RAB33B: variants seen among roughly 807,000 people sequenced by gnomAD.
RAB33B encodes the protein RAB33B, member RAS oncogene family, also known as ras-related protein Rab-33B.
A neutral mutation model predicts 15.0 loss-of-function variants in RAB33B; 6 were observed. The ratio of observed to expected loss-of-function variants is 0.40; its 90% confidence interval spans 0.22 to 0.79. The LOEUF (loss-of-function observed/expected upper bound fraction) is 0.79. Among genes scored for constraint, RAB33B ranks in the 30% least tolerant of loss-of-function variants. The pLI is 0.37. For missense variants in RAB33B, 257 were observed against 296.4 expected, an observed-to-expected ratio of 0.87 and a Z score of 0.98; for synonymous variants, 117 against 108.3, an observed-to-expected ratio of 1.08 and a Z score of -0.50.
In RAB33B at chr4:139,454,174, C is replaced by T. The variant is rs1399805030; in HGVS notation, c.-22C>T. 1 of 1,595,152 alleles carries T rather than the reference C, an allele frequency of 6.3e-7. No individual in the cohort carries two copies. The highest frequency in any genetic ancestry group is 8.6e-7 in the Non-Finnish European group (1 of 1,169,412). ...TTTCTGTGTCTCCTTTCCTCCGCCT[C>T]AGTTTGGGGCGGGTCGGGGGAATGG... On this transcript the variant is annotated 5_prime_UTR_variant, in exon 1 of 2. Coordinates refer to ENST00000305626, the MANE Select transcript of RAB33B (RefSeq NM_031296.3).
At chr4:139,464,389 T>TTG (rs1750236421) in intron 1 of RAB33B, among the ~76,000 whole-genome samples, 1 of 78,582 alleles carries the variant, frequency 1.3e-5, no homozygotes, top group Non-Finnish European at 2.7e-5. Context: ...GAATACTGTT[T>TTG]TTTTTTTTTT....
At chr4:139,464,399 T>G (rs1193884445) in intron 1 of RAB33B, among the ~76,000 whole-genome samples, 6 of 149,452 alleles carry the variant, frequency 4.0e-5, no homozygotes, top group South Asian at 2.1e-4. Context: ...TTTTTTTTTT[T>G]TTTTTTTTTT....
chr4:139,463,290 C>T (rs1238172718), intron 1 of RAB33B, among the ~76,000 whole-genome samples: 1 of 152,220 alleles, frequency 6.6e-6, no homozygotes, highest in Non-Finnish European at 1.5e-5. Context: ...TGTGCCACCA[C>T]ACCTGGCTAA....
chr4:139,457,886 T>C (rs1750099653), intron 1 of RAB33B, among the ~76,000 whole-genome samples: 1 of 152,224 alleles, frequency 6.6e-6, no homozygotes, highest in Non-Finnish European at 1.5e-5. Flanking sequence ...CTCTTTGCTC[T>C]GAGTCCAATT....
chr4:139,466,966 T>TTG (rs1350247689), intron 1 of RAB33B, among the ~76,000 whole-genome samples: 5 of 139,018 alleles, frequency 3.6e-5, no homozygotes, highest in Admixed American at 3.6e-4. Context: ...ACAAACTTTT[T>TTG]TTTTTTTTTT....
At chr4:139,439,622 T>C in the RAB33B span, among the ~76,000 whole-genome samples, 21 of 152,164 alleles carry the variant, frequency 1.4e-4, no homozygotes, top group Admixed American at 1.3e-3. Flanking sequence ...CACCAGCCTT[T>C]TCTCTCTCTT....
the RAB33B span, among the ~76,000 whole-genome samples, chr4:139,439,329 AT>A: frequency 2.6e-5 from 4 of 151,902 alleles, no homozygotes; most frequent in Non-Finnish European, 4.4e-5. Flanking sequence ...GATAGACTAA[AT>A]TTTTTCTTTT....
chr4:139,472,127 C>T (rs903852126), intron 1 of RAB33B, among the ~76,000 whole-genome samples: 1 of 152,162 alleles, frequency 6.6e-6, no homozygotes, highest in Non-Finnish European at 1.5e-5. Flanking sequence ...GTTTTGACAT[C>T]TATAGTTTTA....
At chr4:139,461,202 G>A (rs35097785) in intron 1 of RAB33B, among the ~76,000 whole-genome samples, 31,359 of 152,100 alleles carry the variant, frequency 0.21, 3,553 homozygotes, top group Non-Finnish European at 0.26. Context: ...GTGGGGGTGC[G>A]AACCTCTGAT....
At chr4:139,470,948 T>C (rs947229271) in intron 1 of RAB33B, among the ~76,000 whole-genome samples, 2 of 152,024 alleles carry the variant, frequency 1.3e-5, no homozygotes, top group African/African-American at 4.8e-5. Flanking sequence ...TCCTCTCCTC[T>C]CCTCTCCTCA....
intron 1 of RAB33B, among the ~76,000 whole-genome samples, chr4:139,456,241 G>A (rs566570832): frequency 1.3e-5 from 2 of 152,202 alleles, no homozygotes; most frequent in East Asian, 3.9e-4. Flanking sequence ...AGATAGTGGA[G>A]GGCATAGGTA....
chr4:139,455,951 C>T lies in RAB33B; in HGVS notation c.249+1507C>T, dbSNP rs147420313. 3.9e-5 allele frequency among the ~76,000 whole-genome samples: 6 copies of T among 152,294 alleles called. No homozygotes were observed. In the East Asian group the frequency reaches 1.2e-3, roughly 29 times the overall value. On this transcript the variant is annotated intron_variant, in intron 1 of 1. Coordinates refer to ENST00000305626, the MANE Select transcript of RAB33B (RefSeq NM_031296.3). ...CTGTCCAGGTTTTAAAACTGGGTCT[C>T]ACATCCCGGGGACCCCCTGTATTGG...
the RAB33B span, among the ~76,000 whole-genome samples, chr4:139,444,941 C>T: frequency 8.1e-4 from 123 of 152,274 alleles, 2 homozygotes; most frequent in South Asian, 0.019. Flanking sequence ...GGAGGGGTTG[C>T]GGAAATTAGT....
At position 139,457,747 on chromosome 4, in the gene RAB33B, G is replaced by C. The variant is rs187214669; in HGVS notation, c.249+3303G>C. ...CTGTTTTTACATGGCCACAATCTAAGAATGATTTTTTACATTTTTTAATGT... is the reference window on the plus strand; with the variant it reads ...CTGTTTTTACATGGCCACAATCTAACAATGATTTTTTACATTTTTTAATGT... On this transcript the variant is annotated intron_variant, in intron 1 of 1. Coordinates refer to ENST00000305626, the MANE Select transcript of RAB33B (RefSeq NM_031296.3). 3.0e-3 allele frequency among the ~76,000 whole-genome samples: 450 copies of C among 152,250 alleles called. 1 individual carries two copies. The highest frequency in any genetic ancestry group is 9.7e-3 in the African/African-American group (404 of 41,546).
At chr4:139,445,250 GC>G in the RAB33B span, among the ~76,000 whole-genome samples, 62 of 152,330 alleles carry the variant, frequency 4.1e-4, no homozygotes, top group Non-Finnish European at 7.3e-4. Context: ...GGCAAGGCCA[GC>G]AATATACCTT....
the RAB33B span, among the ~76,000 whole-genome samples, chr4:139,443,583 G>C: frequency 3.3e-5 from 5 of 152,178 alleles, no homozygotes; most frequent in African/African-American, 4.8e-5. Flanking sequence ...TGGAAAAACA[G>C]ACACAAGCTC....
At chr4:139,466,868 C>T (rs1186486612) in intron 1 of RAB33B, among the ~76,000 whole-genome samples, 1 of 151,952 alleles carries the variant, frequency 6.6e-6, no homozygotes, top group Non-Finnish European at 1.5e-5. Context: ...GCGTGAGCCA[C>T]CATGCCTGGC....
intron 1 of RAB33B, among the ~76,000 whole-genome samples, chr4:139,468,943 A>G (rs1485986018): frequency 6.6e-6 from 1 of 152,068 alleles, no homozygotes; most frequent in Non-Finnish European, 1.5e-5. Flanking sequence ...TTGGAGCTCC[A>G]TTGTATGTTA....
intron 1 of RAB33B, among the ~76,000 whole-genome samples, chr4:139,464,412 T>TA (rs1750240768): frequency 1.0e-4 from 14 of 137,706 alleles, no homozygotes; most frequent in African/African-American, 3.6e-4. Context: ...TTTTTTTTTT[T>TA]ATACTTTAAG....
Sources: allele counts gnomAD v4.1 joint callset (sites outside exome capture counted in the v4.1 genomes callset), GRCh38; gene constraint gnomAD v4.1.1; transcripts MANE v1.5; gene names NCBI Gene and HGNC (gene_info 2026-07-23, HGNC 2026-07-21).